Variants in MMP10 observed in about 807,000 individuals in gnomAD.
MMP10 encodes stromelysin-2.
Under a neutral mutation model 49.1 loss-of-function variants are expected in MMP10, and 50 were observed. That is an observed-to-expected ratio of 1.02 (90% CI 0.81 to 1.29). The LOEUF is 1.29. Among genes scored for constraint, MMP10 ranks in the 50% most tolerant of loss-of-function variants. MMP10 has a pLI of 0.00. For missense variants in MMP10, 613 were observed against 563.8 expected (o/e 1.09, Z -0.88); for synonymous variants, 229 against 201.6 (o/e 1.14, Z -1.15).
intron 7 of MMP10, among the ~76,000 whole-genome samples, chr11:102,774,025 T>A (rs1391064662): frequency 6.6e-6 from 1 of 152,262 alleles, no homozygotes; most frequent in Non-Finnish European, 1.5e-5. Flanking sequence ...CAATTTCACA[T>A]TCATTTGATC....
chr11:102,779,856 C>T (rs1214133950), intron 1 of MMP10, 111 bp from the exon 2 acceptor site: 1 of 1,254,812 alleles, frequency 8.0e-7, no homozygotes, highest in African/African-American at 1.5e-5. Context: ...GAGGCTATCA[C>T]ATTTAATTTG....
In MMP10 at chr11:102,770,789, T is replaced by C. The variant is rs1171840574; in HGVS notation, c.*4A>G. ...CACCCATATCTGTCTTCCCCCTATC[T>C]CGCCTAGCAATGTAACCAGCTGTTA... On this transcript the variant is annotated 3_prime_UTR_variant, in exon 10 of 10. Transcript: ENST00000279441. 6.3e-7 allele frequency: 1 copy of C among 1,582,854 alleles called. No homozygotes were observed. The highest frequency in any genetic ancestry group is 8.6e-7 in the Non-Finnish European group (1 of 1,157,292).
At position 102,772,880 on chromosome 11, in the gene MMP10, T is replaced by G; in HGVS notation, c.1193A>C (p.Lys398Thr). ...TTTGTCCGCTGCAAAGAAGTATGTT[T>G]TCTTCTTTTCCTTGTCAGAAACAGC... ...DAAVSDKEKK[K>T]TYFFAADKYW... Residue 398 changes from lysine (K) to threonine (T), a missense_variant, in exon 8 of 10, where the codon AAA (lysine) becomes ACA (threonine). Transcript: ENST00000279441. This position sits in a 1 kb window ranked among gnomAD's most constrained non-coding sequence, Gnocchi z 4.4. 6.2e-7 allele frequency: 1 copy of G among 1,613,682 alleles called. No individual in the cohort carries two copies. Among genetic ancestry groups the G allele is most frequent in the Non-Finnish European group, 8.5e-7 (1 of 1,179,776 alleles).
intron 7 of MMP10, among the ~76,000 whole-genome samples, chr11:102,773,884 A>G (rs1861997739): frequency 6.6e-6 from 1 of 152,180 alleles, no homozygotes; most frequent in Non-Finnish European, 1.5e-5. Context: ...CTTCTAGAAT[A>G]TGAGCCCTTT....
At position 102,772,231 on chromosome 11, in the gene MMP10, G is replaced by A; in HGVS notation, c.1227-116C>T. The A allele has an allele frequency of 1.6e-6, 1 of 627,052 alleles. No homozygotes were observed. The highest frequency in any genetic ancestry group is 2.4e-5 in the South Asian group (1 of 41,598). The allele number at this position is 627,052 out of a possible 1,614,324, so 38.8% of individuals were successfully genotyped here. On this transcript the variant is annotated intron_variant, in intron 8 of 9. Coordinates refer to ENST00000279441, the MANE Select transcript of MMP10 (RefSeq NM_002425.3). The surrounding 1 kb of genome is among the most constrained non-coding windows in gnomAD (Gnocchi z 4.4). ...ATCCTAGACAAACTTTTTAAGTTGT[G>A]TAAAAAAGTGTTAAACATTTTTAGA...
chr11:102,779,216 T>C lies in MMP10; in HGVS notation c.493A>G (p.Lys165Glu), dbSNP rs1422944116. The change falls in exon 3 of 10, where the codon AAA becomes GAA. Residue 165 changes from lysine to glutamate, a missense_variant. Coordinates refer to ENST00000279441, the MANE Select transcript of MMP10 (RefSeq NM_002425.3). The stretch of plus-strand genomic sequence containing the variant: ...AATGGATGCTTTATTTGATTACCTT[T>C]AACTGCAAAAGAGATCATTATATCA... ...EADIMISFAV[K>E]EHGDFYSFDG... 3.1e-6 allele frequency: 5 copies of C among 1,612,560 alleles called. No homozygotes were observed. In the Admixed American group the frequency reaches 5.0e-5, roughly 16 times the overall value.
At chr11:102,771,109 C>T (rs773036467) in intron 9 of MMP10, among the ~76,000 whole-genome samples, 17 of 152,104 alleles carry the variant, frequency 1.1e-4, no homozygotes, top group Admixed American at 2.0e-4. Context: ...AAAATTAAGA[C>T]GGTTTTGTAA....
At chr11:102,775,781 A>G (rs1270862411) in intron 6 of MMP10, among the ~76,000 whole-genome samples, 1 of 152,168 alleles carries the variant, frequency 6.6e-6, no homozygotes, top group Non-Finnish European at 1.5e-5. Context: ...TAATTTAAAT[A>G]GTAGCATATA....
At chr11:102,777,099 A>G (rs1188088763) in intron 4 of MMP10, among the ~76,000 whole-genome samples, 2 of 152,212 alleles carry the variant, frequency 1.3e-5, no homozygotes, top group Non-Finnish European at 2.9e-5. Flanking sequence ...GGACAAGACT[A>G]ATAGCATGTC....
At position 102,772,857 on chromosome 11, in the gene MMP10, T is replaced by C; in HGVS notation, c.1216A>G (p.Lys406Glu). 1 of 1,610,316 alleles carries C rather than the reference T, an allele frequency of 6.2e-7. No homozygotes were observed. Among genetic ancestry groups the C allele is most frequent in the Non-Finnish European group, 8.5e-7 (1 of 1,178,802 alleles). The change falls in exon 8 of 10, where the codon AAA becomes GAA. Residue 406 changes from lysine to glutamate, a missense_variant. By Grantham distance (56) the Lys-to-Glu change is moderately conservative. Coordinates refer to ENST00000279441, the MANE Select transcript of MMP10 (RefSeq NM_002425.3). The surrounding 1 kb of genome is among the most constrained non-coding windows in gnomAD (Gnocchi z 4.4). Reference sequence around the variant, plus strand: ...TCTCTTGCATCTCACCTCCAGTATTTGTCCGCTGCAAAGAAGTATGTTTTC... The same window carrying C: ...TCTCTTGCATCTCACCTCCAGTATTCGTCCGCTGCAAAGAAGTATGTTTTC... ...KKKTYFFAAD[K>E]YWRFDENSQS...
At chr11:102,775,687 GGA>G (rs969733663) in intron 6 of MMP10, among the ~76,000 whole-genome samples, 2 of 152,184 alleles carry the variant, frequency 1.3e-5, no homozygotes, top group African/African-American at 2.4e-5. Flanking sequence ...GCCAAAGACT[GGA>G]GAGAGATTTT....
chr11:102,775,115 A>G, intron 7 of MMP10, 73 bp downstream of exon 7: 1 of 1,198,250 alleles, frequency 8.3e-7, no homozygotes, highest in South Asian at 2.5e-5. Context: ...AATATAATGG[A>G]TAAAACTCAT....
chr11:102,778,894 G>T, intron 3 of MMP10, 145 bp from the exon 4 acceptor site: 3 of 1,018,480 alleles, frequency 2.9e-6, no homozygotes, highest in Non-Finnish European at 4.3e-6. Context: ...ATGAAATATA[G>T]TATTAAGAGG....
intron 7 of MMP10, among the ~76,000 whole-genome samples, chr11:102,774,758 T>C (rs2134349123): frequency 6.6e-6 from 1 of 152,298 alleles, no homozygotes; most frequent in Non-Finnish European, 1.5e-5. Context: ...TATCTCTCCC[T>C]GCACTGATAC....
chr11:102,773,640 T>C (rs1591702979), intron 7 of MMP10, among the ~76,000 whole-genome samples: 1 of 152,260 alleles, frequency 6.6e-6, no homozygotes, highest in South Asian at 2.1e-4. Flanking sequence ...GTTCCAGATA[T>C]GCTCTTACTT....
At position 102,780,628 on chromosome 11, in the gene MMP10, T is replaced by A. The variant is rs760647930; in HGVS notation, c.-37A>T. The stretch of plus-strand genomic sequence containing the variant: ...TTACCTTCTTTGTCTACTGGGCTTC[T>A]AGCTCTACCCCCTAGTGGCCTTTCT... On this transcript the variant is annotated 5_prime_UTR_variant, in exon 1 of 10. Coordinates refer to ENST00000279441, the MANE Select transcript of MMP10 (RefSeq NM_002425.3). The A allele has an allele frequency of 2.5e-6, 4 of 1,569,690 alleles. No homozygotes were observed. The highest frequency in any genetic ancestry group is 3.5e-6 in the Non-Finnish European group (4 of 1,144,302).
chr11:102,775,707 C>T (rs557620915), intron 6 of MMP10, among the ~76,000 whole-genome samples: 4 of 152,146 alleles, frequency 2.6e-5, no homozygotes, highest in East Asian at 1.9e-4. Flanking sequence ...TTTTTAACTC[C>T]GTATCTTTTG....
Position 102,779,318 on chromosome 11 carries a change from A to C in MMP10, c.391T>G (p.Ser131Ala). The C allele has an allele frequency of 1.2e-6, 2 of 1,614,182 alleles. No homozygotes were observed. The highest frequency in any genetic ancestry group is 1.7e-4 in the Middle Eastern group (1 of 6,056). The change falls in exon 3 of 10, where the codon TCT becomes GCT. Residue 131 changes from serine (S) to alanine (A), a missense_variant. Transcript: ENST00000279441. ...TPDLPRDAVD[S>A]AIEKALKVWE... ...ACTTTCAGAGCTTTCTCAATGGCAG[A>C]ATCAACAGCATCTCTTGGCAAATCT...
chr11:102,770,827 T>C lies in MMP10; in HGVS notation c.1397A>G (p.His466Arg), dbSNP rs1314216564. 1 of 1,612,838 alleles carries C rather than the reference T, an allele frequency of 6.2e-7. No homozygotes were observed. Among genetic ancestry groups the C allele is most frequent in the Admixed American group, 1.7e-5 (1 of 59,876 alleles). ...EFDPNARMVT[H>R]ILKSNSWLHC is the part of the protein sequence containing the mutation. ...TAACCAGCTGTTACTCTTTAATATG[T>C]GTGTCACCATCCTGGCATTGGGGTC... Residue 466 changes from histidine (H) to arginine (R), a missense_variant, in exon 10 of 10, where the codon CAC (histidine) becomes CGC (arginine). His to Arg is a conservative substitution (Grantham distance 29, BLOSUM62 0). Transcript: ENST00000279441.
Sources: allele counts gnomAD v4.1 joint callset (sites outside exome capture counted in the v4.1 genomes callset), GRCh38; gene constraint gnomAD v4.1.1; non-coding constraint Gnocchi (gnomAD v3.1); transcripts MANE v1.5; gene names NCBI Gene and HGNC (gene_info 2026-07-23, HGNC 2026-07-21).